Variants in SCUBE1 observed in about 807,000 individuals in gnomAD.
SCUBE1 encodes signal peptide, CUB and EGF-like domain-containing protein 1.
SCUBE1 carries 59 observed loss-of-function variants against 124.4 expected under a neutral mutation model. That is an observed-to-expected ratio of 0.47 (90% CI 0.38 to 0.59). The LOEUF is 0.59. Ranked by LOEUF, SCUBE1 falls within the 20% of genes least tolerant of loss-of-function variation. The pLI, the probability that SCUBE1 is intolerant of heterozygous loss-of-function variation, is 0.00. For synonymous variants in SCUBE1, 545 were observed against 550.9 expected, an observed-to-expected ratio of 0.99 and a Z score of 0.15; for missense variants, 1,150 against 1,371.2, an observed-to-expected ratio of 0.84 and a Z score of 2.55.
At chr22:43,217,862 A>G (rs976053586) in intron 15 of SCUBE1, among the ~76,000 whole-genome samples, 5 of 151,896 alleles carry the variant, frequency 3.3e-5, no homozygotes, top group African/African-American at 7.3e-5. Context: ...CTGTCCCCCG[A>G]CCCTGACTCA....
At chr22:43,318,709 C>A (rs1430018490) in intron 3 of SCUBE1, among the ~76,000 whole-genome samples, 1 of 152,084 alleles carries the variant, frequency 6.6e-6, no homozygotes, top group Non-Finnish European at 1.5e-5. Flanking sequence ...TTTGATTCAG[C>A]AAATGTGGAC....
chr22:43,286,607 G>T (rs534719057), intron 4 of SCUBE1, among the ~76,000 whole-genome samples: 14 of 152,356 alleles, frequency 9.2e-5, no homozygotes, highest in African/African-American at 3.4e-4. Context: ...CTGCTGCTCA[G>T]ATGAGAAGAC....
intron 10 of SCUBE1, among the ~76,000 whole-genome samples, chr22:43,223,772 A>G (rs1476766791): frequency 6.6e-6 from 1 of 152,234 alleles, no homozygotes; most frequent in Non-Finnish European, 1.5e-5. Flanking sequence ...ACAGATGGCT[A>G]ATTGGTCGGT....
intron 3 of SCUBE1, among the ~76,000 whole-genome samples, chr22:43,300,022 C>T (rs1000234796): frequency 6.6e-5 from 10 of 152,202 alleles, no homozygotes; most frequent in Non-Finnish European, 8.8e-5. Context: ...TGTATCTCTT[C>T]GTGAGCTGAT....
chr22:43,319,767 C>A (rs1246269837), intron 3 of SCUBE1, among the ~76,000 whole-genome samples, 170 bp downstream of exon 3: 4 of 152,096 alleles, frequency 2.6e-5, no homozygotes, highest in African/African-American at 7.2e-5. Flanking sequence ...AGGCAATACA[C>A]TTCTGTTGTC....
At chr22:43,252,748 C>G (rs913833142) in intron 6 of SCUBE1, among the ~76,000 whole-genome samples, 1 of 152,190 alleles carries the variant, frequency 6.6e-6, no homozygotes, top group African/African-American at 2.4e-5. Flanking sequence ...GCTGCTCTCC[C>G]CACATAGGGA....
chr22:43,309,208 T>A (rs980844833), intron 3 of SCUBE1, among the ~76,000 whole-genome samples: 1 of 152,030 alleles, frequency 6.6e-6, no homozygotes, highest in African/African-American at 2.4e-5. Flanking sequence ...AATTAGCTCA[T>A]TCGCATCTGT....
chr22:43,332,001 A>G (rs550896696), intron 2 of SCUBE1, among the ~76,000 whole-genome samples: 3 of 152,300 alleles, frequency 2.0e-5, no homozygotes, highest in African/African-American at 7.2e-5. Flanking sequence ...GATGGATAAA[A>G]AATGGCCGGG....
rs369633642 is a variant in SCUBE1 at position 43,339,166 on chromosome 22, G to T, written c.158C>A (p.Thr53Lys). 6.2e-6 allele frequency: 10 copies of T among 1,613,914 alleles called. No individual in the cohort carries two copies. Among genetic ancestry groups the T allele is most frequent in the Non-Finnish European group, 8.5e-6 (10 of 1,179,828 alleles). ...GCAGAGGCATTTGTAGGACTTGGGC[G>T]TGTTCTGACAGATGGCATCGATGTG... ...DCHIDAICQN[T>K]PKSYKCLCKP... The change falls in exon 2 of 22, where the codon ACG (threonine) becomes AAG (lysine). Residue 53 changes from threonine (T) to lysine (K), a missense_variant. By Grantham distance (78) the Thr-to-Lys change is moderately conservative. Around this residue, in one of 3 missense-constraint regions of SCUBE1, gnomAD observed 337 missense variants for 482.1 expected, o/e 0.70. Coordinates refer to ENST00000360835, the MANE Select transcript of SCUBE1 (RefSeq NM_173050.5).
intron 1 of SCUBE1, among the ~76,000 whole-genome samples, chr22:43,342,427 G>T (rs1394737266): frequency 6.6e-6 from 1 of 151,996 alleles, no homozygotes; most frequent in Non-Finnish European, 1.5e-5. Flanking sequence ...TCCCCGTCCT[G>T]TCAGACGGTC....
In SCUBE1 at chr22:43,325,835, C is replaced by T. The variant is rs553389369; in HGVS notation, c.221-5770G>A. 1.6e-4 allele frequency among the ~76,000 whole-genome samples: 25 copies of T among 152,218 alleles called. No individual in the cohort carries two copies. In the East Asian group the frequency reaches 2.1e-3, roughly 13 times the overall value. ...GAATTTTTGAAAGGTCACCCAGCTCCGCTTTTTGTGTATTGAAAGGCAGCG... is the reference window on the plus strand; with the variant it reads ...GAATTTTTGAAAGGTCACCCAGCTCTGCTTTTTGTGTATTGAAAGGCAGCG... On this transcript the variant is annotated intron_variant, in intron 2 of 21. Coordinates refer to ENST00000360835, the MANE Select transcript of SCUBE1 (RefSeq NM_173050.5).
chr22:43,263,048 G>A (rs1601838824), intron 4 of SCUBE1, among the ~76,000 whole-genome samples: 1 of 152,232 alleles, frequency 6.6e-6, no homozygotes, highest in African/African-American at 2.4e-5. Flanking sequence ...TAGGGAGAAA[G>A]CAAGGGCACG....
At chr22:43,330,474 A>G (rs1569033928) in intron 2 of SCUBE1, among the ~76,000 whole-genome samples, 2 of 152,154 alleles carry the variant, frequency 1.3e-5, no homozygotes, top group Non-Finnish European at 2.9e-5. Context: ...TGCACTTTCC[A>G]CATCCTGTTA....
rs780246768 is a variant in SCUBE1 at position 43,204,069 on chromosome 22, C to A, written c.2895G>T (p.Lys965Asn). 1 of 1,614,122 alleles carries A rather than the reference C, an allele frequency of 6.2e-7. No individual in the cohort carries two copies. Among genetic ancestry groups the A allele is most frequent in the East Asian group, 2.2e-5 (1 of 44,878 alleles). ...TGATGAAGGACCGTGGGAACATCTC[C>A]TTGGATTCCTGGGCTGTGTACTTGA... is the stretch of plus-strand genomic sequence containing the variant. Reference protein sequence around the residue: ...NYFKYTAQESKEMFPRSFIKL... With the variant: ...NYFKYTAQESNEMFPRSFIKL... The change falls in exon 22 of 22, where the codon AAG becomes AAT. Residue 965 changes from lysine to asparagine, a missense_variant. Physicochemically the swap from Lys to Asn is moderately conservative, Grantham distance 94. This residue lies in a region of SCUBE1 where 757 missense variants were observed against 840.9 expected (regional missense o/e 0.90). Transcript: ENST00000360835.
intron 3 of SCUBE1, among the ~76,000 whole-genome samples, chr22:43,304,412 G>A (rs890773257): frequency 4.6e-5 from 7 of 152,212 alleles, no homozygotes; most frequent in Non-Finnish European, 1.0e-4. Context: ...GAGGTGGTGA[G>A]GACACTGGGA....
rs1171426276 is a variant in SCUBE1, at chr22:43,207,954, C to T, written c.2734+118G>A. The T allele has an allele frequency of 4.3e-6, 5 of 1,171,506 alleles. No homozygotes were observed. In the East Asian group the frequency reaches 1.2e-4, roughly 28 times the overall value. The allele number at this position is 1,171,506 out of a possible 1,614,324, so 72.6% of individuals were successfully genotyped here. ...GCCCCTGACAGTGTTCGTTCTGCTTCCAGGTCTGTACCTGCCAGGTCGCAG... is the reference window on the plus strand; with the variant it reads ...GCCCCTGACAGTGTTCGTTCTGCTTTCAGGTCTGTACCTGCCAGGTCGCAG... On this transcript the variant is annotated intron_variant, in intron 20 of 21. Coordinates refer to ENST00000360835, the MANE Select transcript of SCUBE1 (RefSeq NM_173050.5).
chr22:43,242,533 C>T (rs905450235), intron 6 of SCUBE1, among the ~76,000 whole-genome samples: 2 of 152,256 alleles, frequency 1.3e-5, no homozygotes, highest in African/African-American at 4.8e-5. Flanking sequence ...CATGGGCCTT[C>T]TCTGGGTCCC....
At chr22:43,328,375 C>T (rs1926796560) in intron 2 of SCUBE1, among the ~76,000 whole-genome samples, 1 of 152,186 alleles carries the variant, frequency 6.6e-6, no homozygotes, top group Admixed American at 6.5e-5. Context: ...CTGCCAATTA[C>T]AGGCAGTCAT....
chr22:43,328,013 G>C (rs1006613778), intron 2 of SCUBE1, among the ~76,000 whole-genome samples: 2 of 152,140 alleles, frequency 1.3e-5, no homozygotes, highest in Non-Finnish European at 2.9e-5. Context: ...TCTCTGCCTG[G>C]GTGAAGGGAA....
Sources: gnomAD v4.1 joint callset for allele counts (sites outside exome capture counted in the v4.1 genomes callset) on GRCh38, gnomAD v4.1.1 for gene constraint, gnomAD v4.1.1 regional missense constraint, MANE v1.5 for transcripts, NCBI Gene and HGNC (gene_info 2026-07-23, HGNC 2026-07-21) for gene names.